Variants in SLC30A9 observed in about 807,000 individuals in gnomAD.
SLC30A9 encodes solute carrier family 30 member 9, also known as proton-coupled zinc antiporter SLC30A9, mitochondrial.
In SLC30A9, 58 loss-of-function variants were observed where a neutral mutation model predicts 87.5. That is an observed-to-expected ratio of 0.66 (90% CI 0.54 to 0.82). The LOEUF is 0.82. Among genes scored for constraint, SLC30A9 ranks in the 40% least tolerant of loss-of-function variants. SLC30A9 has a pLI of 0.00. For synonymous variants in SLC30A9, 234 were observed against 233.0 expected (o/e 1.00, Z -0.04); for missense variants, 557 against 679.1 (o/e 0.82, Z 2.00).
intron 2 of SLC30A9, among the ~76,000 whole-genome samples, chr4:42,002,119 C>T (rs1715011036): frequency 6.7e-6 from 1 of 148,912 alleles, no homozygotes; most frequent in Non-Finnish European, 1.5e-5. Context: ...CTAGTCTTCC[C>T]AGAGGTTTGT....
chr4:42,021,083 T>C (rs546379412), intron 4 of SLC30A9, among the ~76,000 whole-genome samples: 2 of 152,222 alleles, frequency 1.3e-5, no homozygotes, highest in Non-Finnish European at 2.9e-5. Flanking sequence ...TCAGATGATC[T>C]ATCTTTTTTT....
At chr4:42,018,375 A>T (rs1715807873) in intron 3 of SLC30A9, 2 of 1,239,946 alleles carry the variant, frequency 1.6e-6, no homozygotes, top group Non-Finnish European at 2.2e-6. Flanking sequence ...TTTTGTCACA[A>T]ATTTTTTCAA....
intron 15 of SLC30A9, among the ~76,000 whole-genome samples, chr4:42,075,299 CCTGACCT>C (rs1473755501): frequency 6.6e-6 from 1 of 151,266 alleles, no homozygotes; most frequent in Non-Finnish European, 1.5e-5. Flanking sequence ...GTCTCAAACT[CCTGACCT>C]CAGGTGATCC....
intron 2 of SLC30A9, among the ~76,000 whole-genome samples, chr4:42,014,246 CAT>C (rs1188761191): frequency 6.6e-6 from 1 of 152,096 alleles, no homozygotes; most frequent in Non-Finnish European, 1.5e-5. Context: ...TGCTAGTGAA[CAT>C]GTGGAGAAAA....
At chr4:42,049,624 C>A in intron 9 of SLC30A9, 145 bp downstream of exon 9, 1 of 462,736 alleles carries the variant, frequency 2.2e-6, no homozygotes, top group Non-Finnish European at 3.8e-6. Context: ...CAATGAAGTG[C>A]ATAGAAATTT....
chr4:41,997,011 A>G (rs1444781198), intron 1 of SLC30A9, among the ~76,000 whole-genome samples: 6 of 142,284 alleles, frequency 4.2e-5, no homozygotes, highest in Non-Finnish European at 9.3e-5. Flanking sequence ...TCCAGCCTGG[A>G]TGACGGAGTG....
intron 2 of SLC30A9, among the ~76,000 whole-genome samples, chr4:42,014,694 C>G (rs915986277): frequency 6.6e-6 from 1 of 152,050 alleles, no homozygotes; most frequent in Non-Finnish European, 1.5e-5. Flanking sequence ...AAGATATGGT[C>G]TATATATACA....
At chr4:42,047,799 A>C (rs1044921421) in intron 8 of SLC30A9, among the ~76,000 whole-genome samples, 1 of 152,170 alleles carries the variant, frequency 6.6e-6, no homozygotes, top group Admixed American at 6.6e-5. Context: ...TTGTAGCACT[A>C]TTCATATTAG....
At chr4:42,072,291 A>AT (rs969446893) in intron 15 of SLC30A9, among the ~76,000 whole-genome samples, 10 of 151,428 alleles carry the variant, frequency 6.6e-5, no homozygotes, top group African/African-American at 2.4e-4. Flanking sequence ...AATCTTTATT[A>AT]TTTTTTTCCT....
At chr4:42,074,007 G>C (rs1718423575) in intron 15 of SLC30A9, among the ~76,000 whole-genome samples, 1 of 151,904 alleles carries the variant, frequency 6.6e-6, no homozygotes, top group African/African-American at 2.4e-5. Flanking sequence ...TCACATACCA[G>C]CCAAATAATG....
chr4:42,060,227 A>G lies in SLC30A9; in HGVS notation c.877A>G (p.Thr293Ala), dbSNP rs1717788944. The G allele has an allele frequency of 6.2e-7, 1 of 1,612,500 alleles. No homozygotes were observed. Among genetic ancestry groups the G allele is most frequent in the Non-Finnish European group, 8.5e-7 (1 of 1,178,992 alleles). Residue 293 changes from threonine (T) to alanine (A), a missense_variant, in exon 10 of 18, where the codon ACA becomes GCA. Coordinates refer to ENST00000264451, the MANE Select transcript of SLC30A9 (RefSeq NM_006345.4). ...LALGISKSVQTPDPSHPYGFS... is the reference protein window; with the variant it reads ...LALGISKSVQAPDPSHPYGFS... ...ATTGGGCATCAGTAAGTCTGTTCAA[A>G]CACCAGATCCTTCTCATCCGTAAGG...
chr4:42,065,375 C>G, intron 12 of SLC30A9, 26 bp downstream of exon 12: 1 of 1,195,082 alleles, frequency 8.4e-7, no homozygotes, highest in Middle Eastern at 1.9e-4. Context: ...AAGTATGTCT[C>G]TATTCTTAAT....
chr4:41,997,219 G>A (rs1714759304), intron 1 of SLC30A9, among the ~76,000 whole-genome samples: 1 of 151,556 alleles, frequency 6.6e-6, no homozygotes, highest in African/African-American at 2.4e-5. Flanking sequence ...CATCAGCAGT[G>A]GTCTTCTAGA....
chr4:42,057,249 C>G (rs1717660045), intron 9 of SLC30A9, among the ~76,000 whole-genome samples: 1 of 152,142 alleles, frequency 6.6e-6, no homozygotes, highest in African/African-American at 2.4e-5. Flanking sequence ...GTGGGGGCTC[C>G]CACCCCACAT....
chr4:42,015,559 T>A (rs1715682364), intron 2 of SLC30A9, among the ~76,000 whole-genome samples: 1 of 152,196 alleles, frequency 6.6e-6, no homozygotes, highest in Non-Finnish European at 1.5e-5. Flanking sequence ...TTCAGAGACT[T>A]ATATTCTGGA....
chr4:42,052,243 G>T (rs565230923), intron 9 of SLC30A9, among the ~76,000 whole-genome samples: 1 of 152,160 alleles, frequency 6.6e-6, no homozygotes, highest in East Asian at 1.9e-4. Flanking sequence ...ATCATAAAAT[G>T]TTGCTGAGAG....
In SLC30A9 at chr4:42,065,384, A is replaced by ATT. The variant is rs759376733; in HGVS notation, c.1072+37_1072+38dup. On this transcript the variant is annotated intron_variant, in intron 12 of 17. Coordinates refer to ENST00000264451, the MANE Select transcript of SLC30A9 (RefSeq NM_006345.4). ...GTCACAAAGTATGTCTCTATTCTTA[A>ATT]TTTAGTAATATATATTCAGCTGTCC... 1.2e-5 allele frequency: 13 copies of ATT among 1,054,870 alleles called. No homozygotes were observed. In the East Asian group the frequency reaches 3.1e-4, roughly 25 times the overall value. The allele number at this position is 1,054,870 out of a possible 1,614,324, so 65.3% of individuals were successfully genotyped here. A position where few individuals can be genotyped will look rare whatever the true frequency, so the allele number is the denominator to read the frequency against.
At chr4:42,058,339 C>T (rs1295473929) in intron 9 of SLC30A9, among the ~76,000 whole-genome samples, 3 of 152,170 alleles carry the variant, frequency 2.0e-5, no homozygotes, top group African/African-American at 7.2e-5. Flanking sequence ...ACCACCTCAG[C>T]CTGGACTTTA....
chr4:42,051,858 G>T (rs890667726), intron 9 of SLC30A9, among the ~76,000 whole-genome samples: 1 of 151,892 alleles, frequency 6.6e-6, no homozygotes, highest in African/African-American at 2.4e-5. Flanking sequence ...GCTTTAATGA[G>T]GCTAGTATAA....
Sources: gnomAD v4.1 joint callset for allele counts (sites outside exome capture counted in the v4.1 genomes callset) on GRCh38, gnomAD v4.1.1 for gene constraint, MANE v1.5 for transcripts, NCBI Gene and HGNC (gene_info 2026-07-23, HGNC 2026-07-21) for gene names.